Variants in CMIP observed in about 807,000 individuals in gnomAD.
The protein encoded by CMIP is C-Maf-inducing protein.
CMIP carries 13 observed loss-of-function variants against 97.3 expected under a neutral mutation model. The ratio of observed to expected loss-of-function variants is 0.13; its 90% confidence interval spans 0.09 to 0.21. The LOEUF is 0.21. Ranked by LOEUF, CMIP falls within the 10% of genes least tolerant of loss-of-function variation. The probability of loss-of-function intolerance (pLI) is 1.00; values close to 1 mark genes in which losing one functional copy is unlikely to be tolerated. For synonymous variants in CMIP, 538 were observed against 436.3 expected, an observed-to-expected ratio of 1.23 and a Z score of -2.91; for missense variants, 847 against 1,024.9, an observed-to-expected ratio of 0.83 and a Z score of 2.37.
At chr16:81,699,975 G>C (rs952770866) in intron 15 of CMIP, among the ~76,000 whole-genome samples, 174 bp downstream of exon 15, 1 of 152,270 alleles carries the variant, frequency 6.6e-6, no homozygotes, top group Middle Eastern at 3.4e-3. Context: ...ATCATGCAGT[G>C]TATTTGTTTC....
At chr16:81,546,405 G>A (rs1462465597) in intron 1 of CMIP, among the ~76,000 whole-genome samples, 4 of 152,176 alleles carry the variant, frequency 2.6e-5, no homozygotes, top group Non-Finnish European at 5.9e-5. Flanking sequence ...CTGGGCTGGA[G>A]GTGCACTCAG....
chr16:81,582,690 G>A (rs1423806545), intron 1 of CMIP, among the ~76,000 whole-genome samples: 1 of 152,178 alleles, frequency 6.6e-6, no homozygotes, highest in African/African-American at 2.4e-5. Context: ...ATTCCCAGCA[G>A]GGCCTCGCTC....
chr16:81,510,926 G>C (rs1157749782), intron 1 of CMIP, among the ~76,000 whole-genome samples: 2 of 152,120 alleles, frequency 1.3e-5, no homozygotes, highest in African/African-American at 4.8e-5. Context: ...CACCATATTG[G>C]TCAGTCTGGT....
intron 1 of CMIP, among the ~76,000 whole-genome samples, chr16:81,553,414 G>C (rs2090698309): frequency 6.6e-6 from 1 of 152,206 alleles, no homozygotes; most frequent in African/African-American, 2.4e-5. Context: ...GTTTGCACTG[G>C]GGGAAGCGCT....
intron 1 of CMIP, among the ~76,000 whole-genome samples, chr16:81,602,835 C>G (rs532360070): frequency 8.5e-5 from 13 of 152,318 alleles, no homozygotes; most frequent in African/African-American, 3.1e-4. Flanking sequence ...AGACAGGAAT[C>G]TCCTCCCCTG....
intron 1 of CMIP, among the ~76,000 whole-genome samples, chr16:81,466,604 A>T (rs147782276): frequency 3.1e-4 from 47 of 152,302 alleles, no homozygotes; most frequent in Middle Eastern, 3.4e-3. Flanking sequence ...TCTTATTGGT[A>T]TTACTTACGA....
At chr16:81,445,577 C>T (rs749852364) in intron 1 of CMIP, 36 bp downstream of exon 1, 3 of 1,528,702 alleles carry the variant, frequency 2.0e-6, no homozygotes, top group South Asian at 1.2e-5. Context: ...CCCGCCTCTC[C>T]TCGGGGCCCG....
chr16:81,655,674 C>T lies in CMIP; in HGVS notation c.640-2101C>T, dbSNP rs2092473910. Among the ~76,000 whole-genome samples, 1 of 152,226 alleles carries T rather than the reference C, an allele frequency of 6.6e-6. No individual in the cohort carries two copies. Among genetic ancestry groups the T allele is most frequent in the Non-Finnish European group, 1.5e-5 (1 of 68,034 alleles). On this transcript the variant is annotated intron_variant, in intron 4 of 20. Transcript: ENST00000537098. The surrounding 1 kb of genome is among the most constrained non-coding windows in gnomAD (Gnocchi z 4.9). ...GGCGGCGAGGGATGGATGTGTCGAG[C>T]TGCCCTTGGCAGCCCAAAATAAGGA...
chr16:81,470,851 C>T (rs565984333), intron 1 of CMIP, among the ~76,000 whole-genome samples: 13 of 152,368 alleles, frequency 8.5e-5, no homozygotes, highest in African/African-American at 2.2e-4. Flanking sequence ...GTGATCTCTT[C>T]GCTGTAGCCC....
intron 3 of CMIP, among the ~76,000 whole-genome samples, chr16:81,640,750 G>GTA (rs2092295806): frequency 7.4e-6 from 1 of 135,054 alleles, no homozygotes; most frequent in South Asian, 2.4e-4. Context: ...GTGTGTGTGT[G>GTA]TGTGTGTGTG....
At chr16:81,469,288 A>G (rs1907386588) in intron 1 of CMIP, among the ~76,000 whole-genome samples, 1 of 152,352 alleles carries the variant, frequency 6.6e-6, no homozygotes, top group Middle Eastern at 3.4e-3. Flanking sequence ...TCAAAACAGC[A>G]TGTTGGAAGT....
chr16:81,587,490 C>G (rs1567595794), intron 1 of CMIP, among the ~76,000 whole-genome samples: 1 of 152,196 alleles, frequency 6.6e-6, no homozygotes, highest in Non-Finnish European at 1.5e-5. Context: ...TCCTTGCTTC[C>G]CCAGCTGCTG....
chr16:81,699,593 G>T (rs540791606), intron 14 of CMIP, 92 bp from the exon 15 acceptor site: 2 of 790,990 alleles, frequency 2.5e-6, no homozygotes, highest in Non-Finnish European at 4.3e-6. Context: ...AGGCAGGTCT[G>T]TTCAACGGCT....
At chr16:81,685,860 C>A (rs892167806) in intron 10 of CMIP, among the ~76,000 whole-genome samples, 3 of 152,148 alleles carry the variant, frequency 2.0e-5, no homozygotes, top group Non-Finnish European at 4.4e-5. Flanking sequence ...CACCATGTGC[C>A]CACCAGTGTC....
At chr16:81,486,717 C>T (rs2150761997) in intron 1 of CMIP, among the ~76,000 whole-genome samples, 1 of 152,370 alleles carries the variant, frequency 6.6e-6, no homozygotes, top group African/African-American at 2.4e-5. Flanking sequence ...GCTCTTAACT[C>T]CCTAAGCGAA....
chr16:81,629,096 A>G (rs943921622), intron 3 of CMIP, among the ~76,000 whole-genome samples: 5 of 129,428 alleles, frequency 3.9e-5, no homozygotes, highest in African/African-American at 1.1e-4. Context: ...AGATGGTGCC[A>G]CTATACTCCA....
chr16:81,478,349 G>A (rs767226403), intron 1 of CMIP, among the ~76,000 whole-genome samples: 8 of 152,220 alleles, frequency 5.3e-5, no homozygotes, highest in Non-Finnish European at 4.4e-5. Context: ...GTTCTGCATG[G>A]CGCCAGCAGC....
chr16:81,503,806 G>T (rs2089655350), intron 1 of CMIP, among the ~76,000 whole-genome samples: 1 of 152,228 alleles, frequency 6.6e-6, no homozygotes, highest in Non-Finnish European at 1.5e-5. Context: ...TGAACCCCAT[G>T]GCACCCCTCC....
intron 6 of CMIP, among the ~76,000 whole-genome samples, 161 bp from the exon 7 acceptor site, chr16:81,664,108 C>G (rs536392087): frequency 6.6e-6 from 1 of 152,274 alleles, no homozygotes; most frequent in African/African-American, 2.4e-5. Context: ...AACTGGCCCC[C>G]CTCCAAAATA....
Sources: gnomAD v4.1 joint callset for allele counts (sites outside exome capture counted in the v4.1 genomes callset) on GRCh38, gnomAD v4.1.1 for gene constraint, Gnocchi (gnomAD v3.1) non-coding constraint, MANE v1.5 for transcripts, NCBI Gene and HGNC (gene_info 2026-07-23, HGNC 2026-07-21) for gene names.